The following SBF1 variants were observed in gnomAD, a reference collection of about 807,000 sequenced individuals.
SBF1 encodes the protein SET binding factor 1.
SBF1 carries 65 observed loss-of-function variants against 215.8 expected under a neutral mutation model. The ratio of observed to expected loss-of-function variants is 0.30; its 90% confidence interval spans 0.25 to 0.37. SBF1 has a LOEUF of 0.37. Ranked by LOEUF, SBF1 falls within the 10% of genes least tolerant of loss-of-function variation. SBF1 has a pLI of 1.00. For synonymous variants in SBF1, 1,410 were observed against 1,122.8 expected, an observed-to-expected ratio of 1.26 and a Z score of -5.11; for missense variants, 2,634 against 2,667.8, an observed-to-expected ratio of 0.99 and a Z score of 0.28.
At position 50,474,992 on chromosome 22, in the gene SBF1, G is replaced by A. The variant is rs768203658; in HGVS notation, c.-152C>T. The A allele has an allele frequency of 1.9e-5, 5 of 265,960 alleles. No homozygotes were observed. The highest frequency in any genetic ancestry group is 2.0e-4 in the South Asian group (2 of 10,248). The allele number at this position is 265,960 out of a possible 1,614,324, so 16.5% of individuals were successfully genotyped here. A position where few individuals can be genotyped will look rare whatever the true frequency, so the allele number is the denominator to read the frequency against. On this transcript the variant is annotated 5_prime_UTR_variant, in exon 1 of 41. Transcript: ENST00000380817. ...CGGCGGCGGCGGCGGCGGCGGCGGC[G>A]GCCCAGGTTCCCGCCGCCATCTTCC...
Position 50,447,355 on chromosome 22 carries a change from G to T in SBF1, c.5550C>A (p.Ala1850=). Reference sequence around the variant, plus strand: ...AGGCCTTCTCGTCCACAGTCTTAGGGGCACCCATAGTGGGCGTGCCAGGTG... The same window carrying T: ...AGGCCTTCTCGTCCACAGTCTTAGGTGCACCCATAGTGGGCGTGCCAGGTG... ...AVAPGTPTMG[A]PKTVDEKAFF... Residue 1850 remains alanine (A), a synonymous_variant, in exon 40 of 41, where the codon GCC becomes GCA. Transcript: ENST00000380817. The T allele has an allele frequency of 6.2e-7, 1 of 1,614,086 alleles. No individual in the cohort carries two copies. Among genetic ancestry groups the T allele is most frequent in the Non-Finnish European group, 8.5e-7 (1 of 1,179,998 alleles).
At chr22:50,466,095 C>G in intron 8 of SBF1, 21 bp from the exon 9 acceptor site, 2 of 1,613,200 alleles carry the variant, frequency 1.2e-6, no homozygotes, top group Non-Finnish European at 1.7e-6. Context: ...AGGGAGCCGG[C>G]AGTCAGGGAC....
chr22:50,451,710 G>C (rs113695719), intron 36 of SBF1, among the ~76,000 whole-genome samples: 9 of 151,846 alleles, frequency 5.9e-5, no homozygotes, highest in African/African-American at 2.2e-4. Flanking sequence ...AGAATCAAAG[G>C]GTGCCATTAT....
In SBF1 at chr22:50,455,136, G is replaced by A. The variant is rs2067197113; in HGVS notation, c.4561C>T (p.Leu1521=). 4 of 1,614,126 alleles carry A rather than the reference G, an allele frequency of 2.5e-6. No individual in the cohort carries two copies. The highest frequency in any genetic ancestry group is 2.2e-5 in the East Asian group (1 of 44,878). The change falls in exon 34 of 41, where the codon CTG becomes TTG. Residue 1521 remains leucine (L), a synonymous_variant. Transcript: ENST00000380817. ...AACTCAAACTCCATGGGGAACTGCA[G>A]GTGGACCTGCACGCCATGTGGGTCA... ...QFLDCVHQVH[L]QFPMEFEFSQ...
At position 50,459,627 on chromosome 22, in the gene SBF1, G is replaced by C; in HGVS notation, c.3531C>G (p.Asp1177Glu). The change falls in exon 27 of 41, where the codon GAC becomes GAG. Residue 1177 changes from aspartate (D) to glutamate (E), a missense_variant. Coordinates refer to ENST00000380817, the MANE Select transcript of SBF1 (RefSeq NM_002972.4). ...GLLIVPQSVQ[D>E]NALQRVSRCY... ...AGCGGGACACGCGCTGCAGGGCGTT[G>C]TCCTGGACACTCTGGGGCACGATCA... 1 of 1,609,170 alleles carries C rather than the reference G, an allele frequency of 6.2e-7. No homozygotes were observed. The highest frequency in any genetic ancestry group is 8.5e-7 in the Non-Finnish European group (1 of 1,178,608).
At position 50,461,788 on chromosome 22, in the gene SBF1, C is replaced by G. The variant is rs2148589406; in HGVS notation, c.2643+8G>C. 1 of 1,613,050 alleles carries G rather than the reference C, an allele frequency of 6.2e-7. No individual in the cohort carries two copies. The highest frequency in any genetic ancestry group is 1.3e-5 in the African/African-American group (1 of 75,066). ...TGGGCCCCCGCAGCCCCAACGGCCC[C>G]CGCAAACCTTCTGGATGGGCGGCAG... On this transcript the variant is annotated splice_region_variant and intron_variant, in intron 21 of 40. Coordinates refer to ENST00000380817, the MANE Select transcript of SBF1 (RefSeq NM_002972.4).
intron 1 of SBF1, among the ~76,000 whole-genome samples, chr22:50,474,368 G>A (rs993817086): frequency 2.6e-5 from 4 of 152,218 alleles, no homozygotes; most frequent in African/African-American, 7.2e-5. Context: ...GCGGGTCCGC[G>A]CCCCTGGAGC....
intron 36 of SBF1, among the ~76,000 whole-genome samples, chr22:50,449,625 A>AACACACACACACACACAC (rs59541336): frequency 3.4e-5 from 5 of 146,852 alleles, no homozygotes; most frequent in South Asian, 4.4e-4. Flanking sequence ...AAAACACACA[A>AACACACACACACACACAC]ACACACACAC....
intron 31 of SBF1, chr22:50,455,805 C>G: frequency 1.7e-6 from 1 of 593,772 alleles, no homozygotes; most frequent in Non-Finnish European, 3.0e-6. Flanking sequence ...CTTCCAAGCC[C>G]TCTAGGACTG....
chr22:50,472,521 A>G (rs1350387944), intron 1 of SBF1, among the ~76,000 whole-genome samples: 1 of 152,130 alleles, frequency 6.6e-6, no homozygotes, highest in Non-Finnish European at 1.5e-5. Flanking sequence ...GTCACTAATG[A>G]AAGAAACTCA....
rs1434179682 is a variant in SBF1 at position 50,474,674 on chromosome 22, AGCCCCCAGCCCTCG to A, written c.55+98_55+111del. On this transcript the variant is annotated intron_variant, in intron 1 of 40. Coordinates refer to ENST00000380817, the MANE Select transcript of SBF1 (RefSeq NM_002972.4). ...CCCTCAGTCCTCGGCCTCCCGACCCAGCCCCCAGCCCTCGGCCCCCAGCCCCCGGCCCTCGACCC... is the reference window on the plus strand; with the variant it reads ...CCCTCAGTCCTCGGCCTCCCGACCCAGCCCCCAGCCCCCGGCCCTCGACCC... 100 of 475,322 alleles carry A rather than the reference AGCCCCCAGCCCTCG, an allele frequency of 2.1e-4. No homozygotes were observed. The East Asian group carries it at 0.011, about 51-fold the overall frequency. 29.4% of individuals were successfully genotyped at this position (475,322 alleles called of 1,614,324 possible).
chr22:50,459,792 GCCCCCCAGCCA>G (rs1422962157), intron 26 of SBF1, 126 bp from the exon 27 acceptor site: 3 of 1,317,816 alleles, frequency 2.3e-6, no homozygotes, highest in African/African-American at 1.5e-5. Context: ...CAGCCACGGG[GCCCCCCAGCCA>G]CCCCCCAGCC....
intron 10 of SBF1, 42 bp downstream of exon 10, chr22:50,465,720 TA>T: frequency 6.5e-7 from 1 of 1,541,304 alleles, no homozygotes; most frequent in Non-Finnish European, 8.8e-7. Flanking sequence ...GGGGGCAGCC[TA>T]AGTGCCTGGG....
At position 50,474,890 on chromosome 22, in the gene SBF1, G is replaced by C; in HGVS notation, c.-50C>G. ...GGGGCGCGGGCGGGCTCCGCGGCTC[G>C]GGGACTCGAGGACGGCGCGCTCATG... is the stretch of plus-strand genomic sequence containing the variant. On this transcript the variant is annotated 5_prime_UTR_variant, in exon 1 of 41. Transcript: ENST00000380817. 2 of 1,280,944 alleles carry C rather than the reference G, an allele frequency of 1.6e-6. No individual in the cohort carries two copies. Among genetic ancestry groups the C allele is most frequent in the Non-Finnish European group, 2.0e-6 (2 of 999,378 alleles). 79.3% of individuals were successfully genotyped at this position (1,280,944 alleles called of 1,614,324 possible).
At chr22:50,460,935 C>T (rs1490779712) in intron 23 of SBF1, among the ~76,000 whole-genome samples, 4 of 152,214 alleles carry the variant, frequency 2.6e-5, no homozygotes, top group East Asian at 1.9e-4. Flanking sequence ...ACCCAAGACA[C>T]GGACTTGAGG....
Position 50,446,975 on chromosome 22 carries a change from C to CGGCCGGGCGG in SBF1, c.*157_*166dup, listed in dbSNP as rs2066850160. Reference sequence around the variant, plus strand: ...CTGTGACGCCAAAATAAGTTAGGGCCGGCCGGGCGGGGCGGGGCGGGGACG... The same window carrying CGGCCGGGCGG: ...CTGTGACGCCAAAATAAGTTAGGGCCGGCCGGGCGGGGCCGGGCGGGGCGGGGCGGGGACG... On this transcript the variant is annotated 3_prime_UTR_variant, in exon 41 of 41. Transcript: ENST00000380817. The CGGCCGGGCGG allele has an allele frequency of 4.2e-6, 3 of 719,282 alleles. No individual in the cohort carries two copies. The East Asian group carries it at 8.3e-5, about 20-fold the overall frequency. The allele number at this position is 719,282 out of a possible 1,614,324, so 44.6% of individuals were successfully genotyped here. A position where few individuals can be genotyped will look rare whatever the true frequency, so the allele number is the denominator to read the frequency against.
At chr22:50,460,808 G>T in intron 23 of SBF1, 96 bp from the exon 24 acceptor site, 2 of 1,336,236 alleles carry the variant, frequency 1.5e-6, no homozygotes, top group South Asian at 1.3e-5. Flanking sequence ...TCGCAGCCAT[G>T]ACAGAGAGAG....
intron 36 of SBF1, among the ~76,000 whole-genome samples, chr22:50,453,583 C>T (rs756006293): frequency 2.0e-5 from 3 of 152,128 alleles, no homozygotes; most frequent in Non-Finnish European, 2.9e-5. Context: ...GTCAGGAGAT[C>T]GAGACCATCC....
Position 50,455,402 on chromosome 22 carries a change from G to C in SBF1, c.4376C>G (p.Ser1459Cys). 6.2e-7 allele frequency: 1 copy of C among 1,612,256 alleles called. No homozygotes were observed. Among genetic ancestry groups the C allele is most frequent in the Non-Finnish European group, 8.5e-7 (1 of 1,179,140 alleles). The change falls in exon 33 of 41, where the codon TCC (serine) becomes TGC (cysteine). Residue 1459 changes from serine (S) to cysteine (C), a missense_variant. Ser to Cys is a moderately radical substitution (Grantham distance 112). Transcript: ENST00000380817. ...DGWDITTQVV[S>C]LVQLLSDPFY... The stretch of plus-strand genomic sequence containing the variant: ...GGGGTCTGAGAGCAGCTGCACCAAG[G>C]ATACCACCTGCCAGCACCGCCAGGA...
Sources: allele counts gnomAD v4.1 joint callset (sites outside exome capture counted in the v4.1 genomes callset), GRCh38; gene constraint gnomAD v4.1.1; transcripts MANE v1.5; gene names NCBI Gene and HGNC (gene_info 2026-07-23, HGNC 2026-07-21).